Variants in RORA observed in about 807,000 individuals in gnomAD.
RORA encodes the protein RAR related orphan receptor A.
RORA carries 7 observed loss-of-function variants against 69.5 expected under a neutral mutation model. The ratio of observed to expected loss-of-function variants is 0.10; its 90% CI spans 0.06 to 0.19. The LOEUF is 0.19. Ranked by LOEUF, RORA falls within the 10% of genes least tolerant of loss-of-function variation. RORA has a pLI of 1.00. For missense variants in RORA, 457 were observed against 663.0 expected, an observed-to-expected ratio of 0.69 and a Z score of 3.41; for synonymous variants, 261 against 240.8, an observed-to-expected ratio of 1.08 and a Z score of -0.78.
chr15:61,209,387 C>A (rs2079970502), intron 1 of RORA, among the ~76,000 whole-genome samples: 1 of 152,110 alleles, frequency 6.6e-6, no homozygotes, highest in Admixed American at 6.6e-5. Flanking sequence ...GGTGACCATG[C>A]CTAAGATAAA....
intron 1 of RORA, among the ~76,000 whole-genome samples, chr15:60,743,685 C>T (rs2071608961): frequency 6.6e-6 from 1 of 152,218 alleles, no homozygotes; most frequent in African/African-American, 2.4e-5. Flanking sequence ...CTCTGCCCAT[C>T]TCCAGACAGT....
chr15:60,829,908 A>AT (rs2073019280), intron 1 of RORA, among the ~76,000 whole-genome samples: 1 of 152,242 alleles, frequency 6.6e-6, no homozygotes, highest in Non-Finnish European at 1.5e-5. Flanking sequence ...TAGTCTTCTC[A>AT]TGGTGACCTA....
At chr15:60,829,561 T>G (rs1243696386) in intron 1 of RORA, among the ~76,000 whole-genome samples, 1 of 152,174 alleles carries the variant, frequency 6.6e-6, no homozygotes, top group East Asian at 1.9e-4. Context: ...AGTGACTCCT[T>G]CCAGAGTCAT....
intron 1 of RORA, among the ~76,000 whole-genome samples, chr15:61,075,813 A>T (rs1371671862): frequency 6.6e-6 from 1 of 152,160 alleles, no homozygotes; most frequent in Non-Finnish European, 1.5e-5. Flanking sequence ...TCCCTGCTTC[A>T]ACACACACAC....
chr15:60,766,831 CT>C (rs1049865830), intron 1 of RORA, among the ~76,000 whole-genome samples: 9 of 152,114 alleles, frequency 5.9e-5, no homozygotes, highest in African/African-American at 2.2e-4. Context: ...TTCCTCGCCC[CT>C]GGTGTCGATG....
At chr15:60,535,235 T>C (rs1208481411) in intron 2 of RORA, among the ~76,000 whole-genome samples, 2 of 152,188 alleles carry the variant, frequency 1.3e-5, no homozygotes, top group Non-Finnish European at 2.9e-5. Flanking sequence ...CCCACATACA[T>C]ATTCATCCCA....
chr15:61,137,035 G>GAAAGAA (rs1555414083), intron 1 of RORA, among the ~76,000 whole-genome samples: 1 of 116,354 alleles, frequency 8.6e-6, no homozygotes, highest in Admixed American at 8.4e-5. Context: ...AAGAAAGAAA[G>GAAAGAA]AAAGAAAGAA....
At chr15:61,180,373 T>C (rs1207674541) in intron 1 of RORA, among the ~76,000 whole-genome samples, 1 of 152,174 alleles carries the variant, frequency 6.6e-6, no homozygotes. Flanking sequence ...TCTAAAGGGT[T>C]GTATGAGATT....
chr15:60,898,602 G>A (rs867564966), intron 1 of RORA, among the ~76,000 whole-genome samples: 3 of 152,060 alleles, frequency 2.0e-5, no homozygotes, highest in East Asian at 1.9e-4. Flanking sequence ...TGGAGGCTGA[G>A]GCGGGAAGAT....
chr15:60,635,698 C>A (rs562278240), intron 2 of RORA, among the ~76,000 whole-genome samples: 4 of 152,068 alleles, frequency 2.6e-5, no homozygotes, highest in African/African-American at 7.2e-5. Flanking sequence ...TGTGGCATTC[C>A]GGAAATGAAT....
At chr15:60,862,319 C>A (rs760366255) in intron 1 of RORA, among the ~76,000 whole-genome samples, 9 of 152,104 alleles carry the variant, frequency 5.9e-5, no homozygotes, top group Non-Finnish European at 1.2e-4. Flanking sequence ...ATCTCAGAAC[C>A]GTTTATGTGC....
intron 1 of RORA, among the ~76,000 whole-genome samples, chr15:61,052,938 A>G (rs2078034256): frequency 6.6e-6 from 1 of 152,258 alleles, no homozygotes. Context: ...GCTTTTCCTA[A>G]TTCACTGAAA....
intron 2 of RORA, among the ~76,000 whole-genome samples, chr15:60,576,719 G>C (rs149228164): frequency 8.5e-5 from 13 of 152,290 alleles, no homozygotes; most frequent in South Asian, 2.1e-4. Flanking sequence ...AAGGTCTGAG[G>C]GGGAGTGAAT....
intron 1 of RORA, among the ~76,000 whole-genome samples, chr15:60,925,478 C>T (rs1892187455): frequency 6.6e-6 from 1 of 152,214 alleles, no homozygotes; most frequent in African/African-American, 2.4e-5. Flanking sequence ...TCTGATCCCA[C>T]AGTACTAACA....
At chr15:61,065,104 C>T (rs757296978) in intron 1 of RORA, among the ~76,000 whole-genome samples, 43 of 152,202 alleles carry the variant, frequency 2.8e-4, no homozygotes, top group Non-Finnish European at 4.6e-4. Flanking sequence ...TCAAATGTCA[C>T]TTCTTCCAGG....
chr15:60,734,520 G>T (rs2071473444), intron 1 of RORA, among the ~76,000 whole-genome samples: 1 of 152,188 alleles, frequency 6.6e-6, no homozygotes, highest in African/African-American at 2.4e-5. Flanking sequence ...ACACTGCAAA[G>T]ACAAGACACG....
chr15:60,719,463 C>T (rs972198233), intron 1 of RORA, among the ~76,000 whole-genome samples: 1 of 151,990 alleles, frequency 6.6e-6, no homozygotes, highest in Admixed American at 6.6e-5. Flanking sequence ...AATCCAAAAC[C>T]ACAAAATATA....
At chr15:60,704,660 C>T (rs573171356) in intron 1 of RORA, among the ~76,000 whole-genome samples, 3 of 152,122 alleles carry the variant, frequency 2.0e-5, no homozygotes, top group Non-Finnish European at 4.4e-5. Context: ...ATAGAAAGAA[C>T]GTAGAGATAG....
intron 1 of RORA, among the ~76,000 whole-genome samples, chr15:61,115,170 C>T (rs977598261): frequency 2.6e-5 from 4 of 152,106 alleles, no homozygotes; most frequent in Admixed American, 2.0e-4. Context: ...GAAGACACTG[C>T]TCTCTTTCAT....
Sources: allele counts gnomAD v4.1 joint callset (sites outside exome capture counted in the v4.1 genomes callset), GRCh38; gene constraint gnomAD v4.1.1; transcripts MANE v1.5; gene names NCBI Gene and HGNC (gene_info 2026-07-23, HGNC 2026-07-21).